ANKRD44: variants seen among roughly 807,000 people sequenced by gnomAD.
ANKRD44 encodes ankyrin repeat domain 44.
ANKRD44 carries 35 observed loss-of-function variants against 116.0 expected under a neutral mutation model. The ratio of observed to expected loss-of-function variants is 0.30; its 90% CI spans 0.23 to 0.40. The LOEUF is 0.40. ANKRD44 is among the 10% of genes least tolerant of loss of function. The pLI, the probability that ANKRD44 is intolerant of heterozygous loss-of-function variation, is 1.00. For synonymous variants in ANKRD44, 435 were observed against 461.8 expected (o/e 0.94, Z 0.74); for missense variants, 1,014 against 1,242.6 (o/e 0.82, Z 2.77).
At chr2:196,999,169 G>T in intron 23 of ANKRD44, 117 bp from the exon 24 acceptor site, 1 of 1,249,756 alleles carries the variant, frequency 8.0e-7, no homozygotes, top group South Asian at 1.5e-5. Context: ...TCAGTTTATA[G>T]ACATAGTGAT....
intron 16 of ANKRD44, among the ~76,000 whole-genome samples, chr2:197,076,742 G>A (rs917720637): frequency 6.6e-6 from 1 of 151,350 alleles, no homozygotes; most frequent in Non-Finnish European, 1.5e-5. Context: ...CCTTATAAGT[G>A]AGAACATGCA....
At chr2:197,216,938 G>A (rs925851234) in intron 1 of ANKRD44, among the ~76,000 whole-genome samples, 1 of 149,404 alleles carries the variant, frequency 6.7e-6, no homozygotes, top group African/African-American at 2.5e-5. Context: ...CACTCCTCTG[G>A]GGGAAAAGAA....
At chr2:197,269,338 G>A (rs992739415) in intron 1 of ANKRD44, among the ~76,000 whole-genome samples, 1 of 152,150 alleles carries the variant, frequency 6.6e-6, no homozygotes, top group Non-Finnish European at 1.5e-5. Flanking sequence ...ACTAAGAGAA[G>A]CACTCTACTC....
At chr2:197,305,967 T>TTATATATA (rs374313668) in intron 1 of ANKRD44, among the ~76,000 whole-genome samples, 4,210 of 124,604 alleles carry the variant, frequency 0.034, 166 homozygotes, top group Non-Finnish European at 0.04. Context: ...GCAGTTCGTT[T>TTATATATA]TATATATATA....
At chr2:197,307,615 A>G (rs1302073518) in intron 1 of ANKRD44, among the ~76,000 whole-genome samples, 1 of 151,836 alleles carries the variant, frequency 6.6e-6, no homozygotes, top group Non-Finnish European at 1.5e-5. Context: ...ACTCTCCTGA[A>G]AAAAAAAGAG....
intron 1 of ANKRD44, among the ~76,000 whole-genome samples, chr2:197,301,667 T>TA (rs1302369978): frequency 2.0e-4 from 31 of 152,330 alleles, no homozygotes; most frequent in African/African-American, 7.0e-4. Context: ...ACTTCATGAG[T>TA]AAAAAACATT....
In ANKRD44 at chr2:197,122,688, T is replaced by C; in HGVS notation, c.655A>G (p.Ile219Val). 2.5e-6 allele frequency: 4 copies of C among 1,614,208 alleles called. No individual in the cohort carries two copies. The highest frequency in any genetic ancestry group is 3.4e-6 in the Non-Finnish European group (4 of 1,180,012). Residue 219 changes from isoleucine to valine, a missense_variant, in exon 7 of 28, where the codon ATT (isoleucine) becomes GTT (valine). Ile to Val is a conservative substitution (Grantham distance 29). Transcript: ENST00000282272. ...TTCAGGAGATGCTTGACAACATTAA[T>C]CTGTCCATTGGAGGCTGCAGCATGC... Reference protein sequence around the residue: ...PLHAAASNGQINVVKHLLNLG... With the variant: ...PLHAAASNGQVNVVKHLLNLG...
At chr2:197,293,529 G>A (rs1176316143) in intron 1 of ANKRD44, among the ~76,000 whole-genome samples, 1 of 152,194 alleles carries the variant, frequency 6.6e-6, no homozygotes, top group Non-Finnish European at 1.5e-5. Context: ...AGGCAGTGCT[G>A]TGACAAATGT....
intron 1 of ANKRD44, among the ~76,000 whole-genome samples, chr2:197,216,099 CAAG>C (rs1207191621): frequency 1.3e-5 from 2 of 152,132 alleles, no homozygotes; most frequent in African/African-American, 4.8e-5. Context: ...TTAGTAAAAC[CAAG>C]AAGACATCAC....
At chr2:197,228,036 T>A (rs1012297368) in intron 1 of ANKRD44, among the ~76,000 whole-genome samples, 1 of 152,184 alleles carries the variant, frequency 6.6e-6, no homozygotes, top group African/African-American at 2.4e-5. Context: ...ATGCTTAACA[T>A]CCCAACTGTA....
chr2:197,155,892 G>T (rs1487263970), intron 2 of ANKRD44, among the ~76,000 whole-genome samples: 1 of 152,080 alleles, frequency 6.6e-6, no homozygotes, highest in Non-Finnish European at 1.5e-5. Context: ...CAGACTGGGG[G>T]AACATATTTG....
intron 1 of ANKRD44, among the ~76,000 whole-genome samples, chr2:197,247,233 G>A (rs1027562718): frequency 5.3e-5 from 8 of 152,124 alleles, no homozygotes; most frequent in African/African-American, 1.2e-4. Flanking sequence ...CAAAGAGATC[G>A]CACGAGAACT....
At position 197,237,734 on chromosome 2, in the gene ANKRD44, T is replaced by C. The variant is rs150511629; in HGVS notation, c.28-50628A>G. Among the ~76,000 whole-genome samples, 376 of 152,372 alleles carry C rather than the reference T, an allele frequency of 2.5e-3. 1 individual carries two copies. Among genetic ancestry groups the C allele is most frequent in the Middle Eastern group, 0.014 (4 of 294 alleles). On this transcript the variant is annotated intron_variant, in intron 1 of 27. Transcript: ENST00000282272. Reference sequence around the variant, plus strand: ...AAAGGTCTGATTGTTTTATTTATTTTGTGATAGATTTGGAATGAAATCAGC... The same window carrying C: ...AAAGGTCTGATTGTTTTATTTATTTCGTGATAGATTTGGAATGAAATCAGC...
chr2:197,280,508 A>G (rs1051342073), intron 1 of ANKRD44, among the ~76,000 whole-genome samples: 21 of 152,214 alleles, frequency 1.4e-4, no homozygotes, highest in African/African-American at 4.6e-4. Context: ...CCACAAACTT[A>G]ACAGAGAAAC....
rs199697684 is a variant in ANKRD44, at chr2:196,989,644, T to C, written c.2929A>G (p.Arg977Gly). ...CVLAVDENAS[R>G]SNGPRSTPGT... is the part of the protein sequence containing the mutation. Reference sequence around the variant, plus strand: ...GGTGTGGAACGGGGTCCATTTGACCTAGAAGCTTTGGCAGAGGGAGCAGAC... The same window carrying C: ...GGTGTGGAACGGGGTCCATTTGACCCAGAAGCTTTGGCAGAGGGAGCAGAC... Residue 977 changes from arginine to glycine, a missense_variant, in exon 28 of 28, where the codon AGG becomes GGG. Coordinates refer to ENST00000282272, the MANE Select transcript of ANKRD44 (RefSeq NM_001195144.2). 1.6e-4 allele frequency: 245 copies of C among 1,550,320 alleles called. No homozygotes were observed. Among genetic ancestry groups the C allele is most frequent in the Middle Eastern group, 8.3e-4 (5 of 5,992 alleles).
intron 1 of ANKRD44, among the ~76,000 whole-genome samples, chr2:197,217,977 T>A (rs539647771): frequency 3.3e-5 from 5 of 152,276 alleles, no homozygotes; most frequent in African/African-American, 1.2e-4. Flanking sequence ...TTCCTATTGA[T>A]GGATAGAATA....
At chr2:197,158,728 C>T (rs1290729478) in intron 2 of ANKRD44, among the ~76,000 whole-genome samples, 1 of 152,094 alleles carries the variant, frequency 6.6e-6, no homozygotes, top group African/African-American at 2.4e-5. Context: ...AGAGTTTAAT[C>T]GATTGGCTGA....
At chr2:197,122,944 A>G in intron 6 of ANKRD44, 152 bp from the exon 7 acceptor site, 1 of 844,528 alleles carries the variant, frequency 1.2e-6, no homozygotes. Flanking sequence ...TATTCAACAA[A>G]TATTTATTGA....
chr2:197,223,574 T>C (rs2081633344), intron 1 of ANKRD44, among the ~76,000 whole-genome samples: 1 of 152,228 alleles, frequency 6.6e-6, no homozygotes, highest in South Asian at 2.1e-4. Flanking sequence ...TTTTTGTTTG[T>C]TTCCATGACA....
Sources: allele counts gnomAD v4.1 joint callset (sites outside exome capture counted in the v4.1 genomes callset), GRCh38; gene constraint gnomAD v4.1.1; transcripts MANE v1.5; gene names NCBI Gene and HGNC (gene_info 2026-07-23, HGNC 2026-07-21).